Variants in DSCAM observed in about 807,000 individuals in gnomAD.
DSCAM encodes cell adhesion molecule DSCAM.
Under a neutral mutation model 217.7 loss-of-function variants are expected in DSCAM, and 47 were observed. That is an observed-to-expected ratio of 0.22 (90% CI 0.17 to 0.28). The LOEUF (loss-of-function observed/expected upper bound fraction) is 0.28, where lower values mean the gene tolerates loss of function less well. Ranked by LOEUF, DSCAM falls within the 10% of genes least tolerant of loss-of-function variation. The pLI, the probability that DSCAM is intolerant of heterozygous loss-of-function variation, is 1.00. For missense variants in DSCAM, 2,080 were observed against 2,618.3 expected (o/e 0.79, Z 4.49); for synonymous variants, 1,056 against 1,015.3 (o/e 1.04, Z -0.76).
intron 1 of DSCAM, among the ~76,000 whole-genome samples, chr21:40,842,405 C>T (rs887558803): frequency 6.6e-6 from 1 of 152,172 alleles, no homozygotes; most frequent in African/African-American, 2.4e-5. Context: ...TTTTTCACTA[C>T]CTATTAATTA....
At chr21:40,260,453 C>T (rs1331879752) in intron 11 of DSCAM, among the ~76,000 whole-genome samples, 1 of 152,224 alleles carries the variant, frequency 6.6e-6, no homozygotes, top group Non-Finnish European at 1.5e-5. Flanking sequence ...CTTGCCATGA[C>T]CTGCCATTGC....
rs150696270 is a variant in DSCAM at position 40,380,796 on chromosome 21, G to A, written c.509-11551C>T. Among the ~76,000 whole-genome samples the A allele has an allele frequency of 1.7e-3, 253 of 152,338 alleles. 2 individuals are homozygous for A. The highest frequency in any genetic ancestry group is 3.4e-3 in the Middle Eastern group (1 of 294). On this transcript the variant is annotated intron_variant, in intron 3 of 32. Coordinates refer to ENST00000400454, the MANE Select transcript of DSCAM (RefSeq NM_001389.5). ...AATAGAACTGAGGCCGGGCGCGGTG[G>A]CTCGCGCCTGTAATCCCAGCACTTT...
intron 3 of DSCAM, among the ~76,000 whole-genome samples, chr21:40,532,833 T>C (rs978155811): frequency 6.6e-6 from 1 of 151,700 alleles, no homozygotes; most frequent in African/African-American, 2.4e-5. Context: ...GGTAGGACTT[T>C]GGCGGGGGTG....
intron 3 of DSCAM, among the ~76,000 whole-genome samples, chr21:40,536,560 C>T (rs575634090): frequency 2.6e-5 from 4 of 152,198 alleles, no homozygotes; most frequent in South Asian, 2.1e-4. Context: ...CACCACCACG[C>T]CTGGCTAATT....
At chr21:40,377,675 C>A (rs189138405) in intron 3 of DSCAM, among the ~76,000 whole-genome samples, 27 of 151,912 alleles carry the variant, frequency 1.8e-4, no homozygotes, top group African/African-American at 6.5e-4. Flanking sequence ...TTCATGAGAA[C>A]TGAAGTTTAG....
chr21:40,440,202 T>A (rs2075618729), intron 3 of DSCAM, among the ~76,000 whole-genome samples: 1 of 152,168 alleles, frequency 6.6e-6, no homozygotes, highest in Admixed American at 6.5e-5. Context: ...TTCAACCTAG[T>A]GGCAGTTCTC....
At chr21:40,457,781 T>A (rs2075775602) in intron 3 of DSCAM, among the ~76,000 whole-genome samples, 1 of 152,114 alleles carries the variant, frequency 6.6e-6, no homozygotes, top group Admixed American at 6.5e-5. Context: ...TAACTATACA[T>A]TGTTGTGGTA....
At chr21:40,158,517 G>A (rs1200857159) in intron 16 of DSCAM, among the ~76,000 whole-genome samples, 1 of 152,204 alleles carries the variant, frequency 6.6e-6, no homozygotes, top group African/African-American at 2.4e-5. Context: ...GGGCCCCTGT[G>A]AACACTCTGG....
rs1020556450 is a variant in DSCAM at position 40,156,345 on chromosome 21, G to T, written c.3018+10873C>A. Among the ~76,000 whole-genome samples the T allele has an allele frequency of 2.7e-5, 4 of 147,674 alleles. No individual in the cohort carries two copies. In the East Asian group the frequency reaches 6.0e-4, roughly 22 times the overall value. The stretch of plus-strand genomic sequence containing the variant: ...AGAGAGAGAGAGAGAGAGAGAAAGG[G>T]GCTTGTAAAGGAGTAAGCGGCATCA... On this transcript the variant is annotated intron_variant, in intron 16 of 32. Coordinates refer to ENST00000400454, the MANE Select transcript of DSCAM (RefSeq NM_001389.5).
chr21:40,161,861 A>T (rs897266879), intron 16 of DSCAM, among the ~76,000 whole-genome samples: 57 of 152,220 alleles, frequency 3.7e-4, no homozygotes, highest in African/African-American at 1.2e-3. Flanking sequence ...AGAATTAAGT[A>T]AAGTTTATTT....
chr21:40,667,590 C>A (rs550551485), intron 3 of DSCAM, among the ~76,000 whole-genome samples: 4 of 152,240 alleles, frequency 2.6e-5, no homozygotes, highest in African/African-American at 9.6e-5. Context: ...ATAATCCCCA[C>A]ATGTTGTGGG....
At chr21:40,095,871 A>G (rs532660656) in intron 20 of DSCAM, among the ~76,000 whole-genome samples, 2 of 152,360 alleles carry the variant, frequency 1.3e-5, no homozygotes, top group African/African-American at 2.4e-5. Flanking sequence ...TTAAGTAGAT[A>G]TGATACAAAA....
chr21:40,668,053 G>C (rs2090224601), intron 3 of DSCAM, among the ~76,000 whole-genome samples: 1 of 152,120 alleles, frequency 6.6e-6, no homozygotes, highest in African/African-American at 2.4e-5. Flanking sequence ...TATTAACTCT[G>C]CTATCCCATA....
rs1272040900 is a variant in DSCAM at position 40,449,631 on chromosome 21, G to A, written c.509-80386C>T. Among the ~76,000 whole-genome samples, 3 of 152,274 alleles carry A rather than the reference G, an allele frequency of 2.0e-5. No individual in the cohort carries two copies. The East Asian group carries it at 5.8e-4, about 29-fold the overall frequency. On this transcript the variant is annotated intron_variant, in intron 3 of 32. Coordinates refer to ENST00000400454, the MANE Select transcript of DSCAM (RefSeq NM_001389.5). Reference sequence around the variant, plus strand: ...AATCAAGCAGTTATTTTAAAAGCTAGTTCTGCTGCATCATATGACTTATGC... The same window carrying A: ...AATCAAGCAGTTATTTTAAAAGCTAATTCTGCTGCATCATATGACTTATGC...
intron 15 of DSCAM, among the ~76,000 whole-genome samples, chr21:40,176,904 C>T (rs756694497): frequency 2.7e-4 from 41 of 152,332 alleles, no homozygotes; most frequent in African/African-American, 9.6e-5. Flanking sequence ...AACTGCCAGC[C>T]GCAGCAGAGG....
intron 3 of DSCAM, among the ~76,000 whole-genome samples, chr21:40,636,777 T>TC (rs397894877): frequency 5.5e-5 from 8 of 144,862 alleles, no homozygotes; most frequent in Non-Finnish European, 6.1e-5. Flanking sequence ...TTTTTTTTTT[T>TC]CACAACATCT....
intron 10 of DSCAM, among the ~76,000 whole-genome samples, chr21:40,278,117 A>G (rs2073713223): frequency 6.6e-6 from 1 of 152,144 alleles, no homozygotes. Flanking sequence ...ATAAAAATTA[A>G]AAAGAAAATA....
At chr21:40,649,168 G>A (rs1049353927) in intron 3 of DSCAM, among the ~76,000 whole-genome samples, 4 of 152,204 alleles carry the variant, frequency 2.6e-5, no homozygotes, top group Non-Finnish European at 5.9e-5. Flanking sequence ...TGTCTGGGCT[G>A]GGCATCACCC....
At chr21:40,055,026 C>T (rs76602615) in intron 29 of DSCAM, among the ~76,000 whole-genome samples, 3,307 of 152,156 alleles carry the variant, frequency 0.022, 119 homozygotes, top group African/African-American at 0.076. Flanking sequence ...TATTTCACTC[C>T]GGAATAAATA....
Sources: gnomAD v4.1 joint callset for allele counts (sites outside exome capture counted in the v4.1 genomes callset) on GRCh38, gnomAD v4.1.1 for gene constraint, MANE v1.5 for transcripts, NCBI Gene and HGNC (gene_info 2026-07-23, HGNC 2026-07-21) for gene names.